The following RUBCNL variants were observed in gnomAD, a reference collection of about 807,000 sequenced individuals.
RUBCNL encodes rubicon like autophagy enhancer, also known as protein associated with UVRAG as autophagy enhancer.
A neutral mutation model predicts 69.5 loss-of-function variants in RUBCNL; 62 were observed. The observed-to-expected ratio is 0.89, with a 90% CI of 0.73 to 1.10. The LOEUF is 1.10. RUBCNL is among the 50% of genes least tolerant of loss of function. The pLI is 0.00. For synonymous variants in RUBCNL, 291 were observed against 303.6 expected (o/e 0.96, Z 0.43); for missense variants, 768 against 798.1 (o/e 0.96, Z 0.45).
rs1207664633 is a variant in RUBCNL, at chr13:46,359,546, C to T, written c.1205G>A (p.Gly402Glu). ...TCTAGGAGGAGCCCAGTCTTCAGTC[C>T]CTCTGATCCTAGACTTAAATTTAAT... ...QEIKFKSRIR[G>E]TEDWAPPRFQ... Residue 402 changes from glycine (G) to glutamate (E), a missense_variant, in exon 9 of 15, where the codon GGG (glycine) becomes GAG (glutamate). Physicochemically the swap from Gly to Glu is moderately conservative, Grantham distance 98. Transcript: ENST00000429979. The T allele has an allele frequency of 6.3e-7, 1 of 1,593,524 alleles. No individual in the cohort carries two copies. The highest frequency in any genetic ancestry group is 2.3e-5 in the East Asian group (1 of 44,384).
Position 46,335,247 on chromosome 13 carries a change from TG to T in RUBCNL, c.*8137del, listed in dbSNP as rs2048096970. ...GCCCAGCTAATTTGTGTCTTTTTGT[TG>T]TTGTTGTTGTTGTTTTTTTTTTTTT... On this transcript the variant is annotated 3_prime_UTR_variant, in exon 15 of 15. Transcript: ENST00000429979. Among the ~76,000 whole-genome samples the T allele has an allele frequency of 8.2e-6, 1 of 122,186 alleles. No homozygotes were observed. Among genetic ancestry groups the T allele is most frequent in the African/African-American group, 3.1e-5 (1 of 32,582 alleles). The allele number at this position is 122,186 out of a possible 152,430, so 80.2% of individuals were successfully genotyped here.
chr13:46,361,509 G>A lies in RUBCNL; in HGVS notation c.1051C>T (p.Gln351Ter). 2 of 1,613,602 alleles carry A rather than the reference G, an allele frequency of 1.2e-6. No homozygotes were observed. The highest frequency in any genetic ancestry group is 2.2e-5 in the East Asian group (1 of 44,884). The change falls in exon 8 of 15, where the codon CAG (glutamine) becomes TAG (stop). Residue 351 changes from glutamine to a stop codon, truncating the protein, a stop_gained. Coordinates refer to ENST00000429979, the MANE Select transcript of RUBCNL (RefSeq NM_025113.5). LOFTEE classifies it high-confidence loss of function. ...LLAKELYRVF[Q>*]KCWILSVVNS... ...ACTACTGACAGTATCCAGCACTTCTGGAACACGCGGTACAGCTCTTTGGCT... is the reference window on the plus strand; with the variant it reads ...ACTACTGACAGTATCCAGCACTTCTAGAACACGCGGTACAGCTCTTTGGCT...
chr13:46,372,684 A>C, intron 2 of RUBCNL, 87 bp from the exon 3 acceptor site: 1 of 1,267,622 alleles, frequency 7.9e-7, no homozygotes. Context: ...AAACCCAAAA[A>C]ATTTAGAAGT....
chr13:46,363,540 G>A (rs2048679661), intron 5 of RUBCNL, among the ~76,000 whole-genome samples: 1 of 152,098 alleles, frequency 6.6e-6, no homozygotes, highest in Non-Finnish European at 1.5e-5. Flanking sequence ...CAAATCACAC[G>A]ATTAAATACT....
chr13:46,366,115 A>G (rs1026212958), intron 5 of RUBCNL, among the ~76,000 whole-genome samples: 2 of 152,208 alleles, frequency 1.3e-5, no homozygotes, highest in African/African-American at 4.8e-5. Context: ...AGTATACTAA[A>G]TAGGAATTAC....
In RUBCNL at chr13:46,336,891, G is replaced by C. The variant is rs1385120939; in HGVS notation, c.*6494C>G. ...CATATTCCTTTATTTTTTAATGTAA[G>C]GAATACTAGATAATATGGATAACTC... On this transcript the variant is annotated 3_prime_UTR_variant, in exon 15 of 15. Transcript: ENST00000429979. Among the ~76,000 whole-genome samples the C allele has an allele frequency of 6.6e-6, 1 of 151,860 alleles. No homozygotes were observed. Among genetic ancestry groups the C allele is most frequent in the African/African-American group, 2.4e-5 (1 of 41,342 alleles).
rs1228715410 is a variant in RUBCNL, at chr13:46,345,608, A to G, written c.1632-8T>C. The G allele has an allele frequency of 3.1e-6, 5 of 1,613,080 alleles. No homozygotes were observed. Among genetic ancestry groups the G allele is most frequent in the Middle Eastern group, 1.6e-4 (1 of 6,078 alleles). On this transcript the variant is annotated splice_polypyrimidine_tract_variant and splice_region_variant and intron_variant, in intron 12 of 14. Coordinates refer to ENST00000429979, the MANE Select transcript of RUBCNL (RefSeq NM_025113.5). ...TCGAACTCCTTTAATGCACTGCCAGAGAGGAAACAAAGAGGAATTCAGAAA... is the reference window on the plus strand; with the variant it reads ...TCGAACTCCTTTAATGCACTGCCAGGGAGGAAACAAAGAGGAATTCAGAAA...
At chr13:46,344,164 T>G (rs909223158) in intron 14 of RUBCNL, among the ~76,000 whole-genome samples, 1 of 152,058 alleles carries the variant, frequency 6.6e-6, no homozygotes, top group East Asian at 1.9e-4. Flanking sequence ...GCCTAAAGGG[T>G]TGGGGAGACA....
At chr13:46,361,395 G>A (rs2138746765) in intron 8 of RUBCNL, 46 bp downstream of exon 8, 2 of 1,605,374 alleles carry the variant, frequency 1.2e-6, no homozygotes, top group Non-Finnish European at 1.7e-6. Context: ...GGCAAAATGA[G>A]GATTTAGGAA....
intron 1 of RUBCNL, among the ~76,000 whole-genome samples, chr13:46,379,645 G>A (rs551571280): frequency 1.6e-4 from 25 of 152,280 alleles, no homozygotes; most frequent in African/African-American, 4.6e-4. Flanking sequence ...GGATACTAGA[G>A]AATAGAAATC....
upstream of RUBCNL, chr13:46,389,687 A>G (rs1425982337): frequency 6.6e-6 from 1 of 152,222 alleles, no homozygotes; most frequent in Non-Finnish European, 1.5e-5. The surrounding 1 kb of genome is among the most constrained non-coding windows in gnomAD (Gnocchi z 4.2). Context: ...GACCTTCTAC[A>G]TCTCGTCACA....
rs1331265991 is a variant in RUBCNL, at chr13:46,371,927, C to T, written c.535+14G>A. 1 of 1,612,892 alleles carries T rather than the reference C, an allele frequency of 6.2e-7. No individual in the cohort carries two copies. The highest frequency in any genetic ancestry group is 8.5e-7 in the Non-Finnish European group (1 of 1,179,214). On this transcript the variant is annotated intron_variant, in intron 3 of 14. Transcript: ENST00000429979. ...GAACAGAGAGGAATGAGGGAGGTCA[C>T]CTACTAAAATTACCTTCATCAGCAG...
chr13:46,383,801 T>C (rs1230512276), intron 1 of RUBCNL, among the ~76,000 whole-genome samples: 1 of 152,228 alleles, frequency 6.6e-6, no homozygotes, highest in Admixed American at 6.5e-5. Flanking sequence ...CACAGTATAA[T>C]AGACGACACA....
intron 9 of RUBCNL, among the ~76,000 whole-genome samples, chr13:46,358,446 T>A (rs780175083): frequency 2.6e-5 from 4 of 152,264 alleles, no homozygotes; most frequent in African/African-American, 7.2e-5. Flanking sequence ...AACTATTACT[T>A]TAAATTTATA....
chr13:46,372,411 T>A lies in RUBCNL; in HGVS notation c.65A>T (p.His22Leu), dbSNP rs144581004. 2.7e-4 allele frequency: 431 copies of A among 1,613,196 alleles called. 2 individuals are homozygous for A. The African/African-American group carries it at 5.0e-3, about 19-fold the overall frequency. The change falls in exon 3 of 15, where the codon CAC (histidine) becomes CTC (leucine). Residue 22 changes from histidine to leucine, a missense_variant. Transcript: ENST00000429979. ...GGGCGAACCATCAATAATGCCAGAG[T>A]GATCGCTGATCCCTTCCCAGGGCTC... ...PVEPWEGISD[H>L]SGIIDGSPRL... is the part of the protein sequence containing the mutation.
chr13:46,357,551 A>G (rs1006126119), intron 9 of RUBCNL, among the ~76,000 whole-genome samples: 1 of 152,044 alleles, frequency 6.6e-6, no homozygotes, highest in African/African-American at 2.4e-5. Context: ...AGAAATTTAG[A>G]CGAATAAGAG....
intron 5 of RUBCNL, among the ~76,000 whole-genome samples, chr13:46,363,450 C>T (rs2048677695): frequency 6.6e-6 from 1 of 152,130 alleles, no homozygotes. Context: ...CACAAAGAAG[C>T]TATCTGCAGT....
chr13:46,384,768 T>A (rs935412697), intron 1 of RUBCNL, among the ~76,000 whole-genome samples: 13 of 152,250 alleles, frequency 8.5e-5, no homozygotes, highest in African/African-American at 3.1e-4. Context: ...CTTTTCTTTC[T>A]ACACTCTGAG....
chr13:46,375,055 G>C (rs2048959174), intron 2 of RUBCNL, among the ~76,000 whole-genome samples: 1 of 152,114 alleles, frequency 6.6e-6, no homozygotes, highest in Admixed American at 6.5e-5. Flanking sequence ...CTCACTTCCT[G>C]CTATTTTTTA....
Sources: gnomAD v4.1 joint callset for allele counts (sites outside exome capture counted in the v4.1 genomes callset) on GRCh38, gnomAD v4.1.1 for gene constraint, Gnocchi (gnomAD v3.1) non-coding constraint, MANE v1.5 for transcripts, NCBI Gene and HGNC (gene_info 2026-07-23, HGNC 2026-07-21) for gene names.